Variants in HSD17B12 observed in about 807,000 individuals in gnomAD.
The protein encoded by HSD17B12 is very-long-chain 3-oxoacyl-CoA reductase.
HSD17B12 carries 32 observed loss-of-function variants against 39.3 expected under a neutral mutation model. The observed-to-expected ratio is 0.81, with a 90% CI of 0.61 to 1.09. HSD17B12 has a LOEUF of 1.09. Ranked by LOEUF, HSD17B12 falls within the 50% of genes least tolerant of loss-of-function variation. The pLI is 0.00. For synonymous variants in HSD17B12, 150 were observed against 146.7 expected (o/e 1.02, Z -0.16); for missense variants, 342 against 382.9 (o/e 0.89, Z 0.89).
chr11:43,590,923 T>C, the HSD17B12 span, among the ~76,000 whole-genome samples: 1 of 151,196 alleles, frequency 6.6e-6, no homozygotes, highest in Admixed American at 6.6e-5. Flanking sequence ...CTAAATGAAA[T>C]TATCAGGAAA....
chr11:43,793,377 G>A (rs1950886917), intron 3 of HSD17B12, among the ~76,000 whole-genome samples: 1 of 152,004 alleles, frequency 6.6e-6, no homozygotes, highest in Non-Finnish European at 1.5e-5. Context: ...ATATATTTTG[G>A]TTTTATTAAT....
At chr11:43,614,066 C>T in the HSD17B12 span, among the ~76,000 whole-genome samples, 2 of 152,126 alleles carry the variant, frequency 1.3e-5, no homozygotes, top group African/African-American at 4.8e-5. Context: ...ATGAGCCACA[C>T]TTTTACACAA....
the HSD17B12 span, among the ~76,000 whole-genome samples, chr11:43,659,221 C>T: frequency 4.6e-5 from 7 of 152,218 alleles, no homozygotes; most frequent in South Asian, 2.1e-4. Context: ...CCTGGTGTGC[C>T]GTTTGTTAAG....
chr11:43,719,755 T>C (rs924052590), intron 1 of HSD17B12, among the ~76,000 whole-genome samples: 4 of 152,118 alleles, frequency 2.6e-5, no homozygotes, highest in African/African-American at 9.7e-5. Flanking sequence ...TTTTTTCTTT[T>C]TCATAAGAAA....
intron 3 of HSD17B12, among the ~76,000 whole-genome samples, chr11:43,755,690 C>T (rs1415138610): frequency 1.3e-5 from 2 of 152,334 alleles, no homozygotes; most frequent in East Asian, 1.9e-4. Context: ...TTTATTCATT[C>T]TCTCACATGT....
rs775447998 is a variant in HSD17B12, at chr11:43,831,151, G to A, written c.536+141G>A. 6 of 664,726 alleles carry A rather than the reference G, an allele frequency of 9.0e-6. No homozygotes were observed. Among genetic ancestry groups the A allele is most frequent in the South Asian group, 6.6e-5 (3 of 45,696 alleles). 41.2% of individuals were successfully genotyped at this position (664,726 alleles called of 1,614,324 possible). ...TTAGCCACAGAGTGATGTACCAGGCGAGTCACAGTAGAGCATGAGTCATCG... is the reference window on the plus strand; with the variant it reads ...TTAGCCACAGAGTGATGTACCAGGCAAGTCACAGTAGAGCATGAGTCATCG... On this transcript the variant is annotated intron_variant, in intron 7 of 10. Coordinates refer to ENST00000278353, the MANE Select transcript of HSD17B12 (RefSeq NM_016142.3). The surrounding 1 kb of genome is among the most constrained non-coding windows in gnomAD (Gnocchi z 4.1).
At chr11:43,763,111 G>A (rs1189717431) in intron 3 of HSD17B12, among the ~76,000 whole-genome samples, 1 of 152,134 alleles carries the variant, frequency 6.6e-6, no homozygotes, top group Non-Finnish European at 1.5e-5. Context: ...ACTGAAGATA[G>A]TTTGGGTGTA....
chr11:43,618,565 C>T, the HSD17B12 span, among the ~76,000 whole-genome samples: 103,480 of 152,032 alleles, frequency 0.68, 35,489 homozygotes, highest in East Asian at 0.81. Context: ...TTGAGAGTCA[C>T]CCATGGTAAT....
At chr11:43,600,400 C>A in the HSD17B12 span, among the ~76,000 whole-genome samples, 3 of 151,604 alleles carry the variant, frequency 2.0e-5, no homozygotes, top group South Asian at 6.2e-4. Flanking sequence ...AAATAGGGAT[C>A]CTATTCTTGT....
At chr11:43,793,359 G>A (rs774498926) in intron 3 of HSD17B12, among the ~76,000 whole-genome samples, 15 of 152,104 alleles carry the variant, frequency 9.9e-5, no homozygotes, top group Non-Finnish European at 1.6e-4. Flanking sequence ...ACAAAGGAGA[G>A]TCAACATATA....
intron 1 of HSD17B12, among the ~76,000 whole-genome samples, chr11:43,747,496 C>T (rs1468795380): frequency 3.9e-5 from 6 of 152,100 alleles, no homozygotes; most frequent in African/African-American, 7.2e-5. Flanking sequence ...TCTGGAAAGC[C>T]ACAAGAGGCC....
chr11:43,803,775 C>T (rs997378461), intron 4 of HSD17B12, among the ~76,000 whole-genome samples: 9 of 151,892 alleles, frequency 5.9e-5, no homozygotes, highest in East Asian at 3.9e-4. Flanking sequence ...TTCTTAACTC[C>T]GTTACTTAAA....
upstream of HSD17B12, among the ~76,000 whole-genome samples, chr11:43,678,948 G>A (rs906006453): frequency 2.6e-5 from 4 of 152,184 alleles, no homozygotes; most frequent in African/African-American, 7.2e-5. Flanking sequence ...GAACTTTAAA[G>A]TAGTTGTTTC....
the HSD17B12 span, chr11:43,644,275 G>A: frequency 1.3e-5 from 2 of 152,334 alleles, no homozygotes; most frequent in East Asian, 3.9e-4. Context: ...GCAGGGAGTT[G>A]AGGGTTTCTG....
chr11:43,816,923 G>A (rs1235609095), intron 6 of HSD17B12, among the ~76,000 whole-genome samples: 1 of 151,394 alleles, frequency 6.6e-6, no homozygotes, highest in African/African-American at 2.4e-5. Context: ...GTCTCATCCA[G>A]GTTGCTACAA....
At position 43,766,253 on chromosome 11, in the gene HSD17B12, G is replaced by A. The variant is rs1950594519; in HGVS notation, c.283+12132G>A. On this transcript the variant is annotated intron_variant, in intron 3 of 10. Transcript: ENST00000278353. The stretch of plus-strand genomic sequence containing the variant: ...TTAGTAGACTACTAATTAGTAGACA[G>A]ACTTGACTGCTGGGCTCTATCTGAA... Among the ~76,000 whole-genome samples, 10 of 152,014 alleles carry A rather than the reference G, an allele frequency of 6.6e-5. No homozygotes were observed. In the South Asian group the frequency reaches 2.1e-3, roughly 31 times the overall value.
chr11:43,667,926 T>C, the HSD17B12 span, among the ~76,000 whole-genome samples: 1 of 152,170 alleles, frequency 6.6e-6, no homozygotes, highest in Non-Finnish European at 1.5e-5. Flanking sequence ...ACTTAAAGTA[T>C]GGTTGGGACC....
At chr11:43,713,417 T>A (rs1213197539) in intron 1 of HSD17B12, among the ~76,000 whole-genome samples, 7 of 151,950 alleles carry the variant, frequency 4.6e-5, no homozygotes. Flanking sequence ...CTGAGAATGA[T>A]GGTTTCCAGC....
chr11:43,681,228 C>G, intron 1 of HSD17B12: 1 of 1,195,050 alleles, frequency 8.4e-7, no homozygotes, highest in Non-Finnish European at 1.1e-6. Flanking sequence ...CTAAGCTCAG[C>G]TTAGGGTGTA....
Sources: allele counts gnomAD v4.1 joint callset (sites outside exome capture counted in the v4.1 genomes callset), GRCh38; gene constraint gnomAD v4.1.1; non-coding constraint Gnocchi (gnomAD v3.1); transcripts MANE v1.5; gene names NCBI Gene and HGNC (gene_info 2026-07-23, HGNC 2026-07-21).